The following DNA2 variants were observed in gnomAD, a reference collection of about 807,000 sequenced individuals.
The protein encoded by DNA2 is DNA replication helicase/nuclease 2.
In DNA2, 101 loss-of-function variants were observed where a neutral mutation model predicts 119.1. That is an observed-to-expected ratio of 0.85 (90% CI 0.72 to 1.00). DNA2 has a LOEUF of 1.00. Ranked by LOEUF, DNA2 falls within the 50% of genes least tolerant of loss-of-function variation. The pLI, the probability that DNA2 is intolerant of heterozygous loss-of-function variation, is 0.00. For synonymous variants in DNA2, 366 were observed against 424.4 expected, an observed-to-expected ratio of 0.86 and a Z score of 1.69; for missense variants, 1,121 against 1,255.5, an observed-to-expected ratio of 0.89 and a Z score of 1.62.
chr10:68,422,960 G>A (rs1193474557), intron 14 of DNA2, 70 bp from the exon 15 acceptor site: 3 of 1,168,628 alleles, frequency 2.6e-6, no homozygotes, highest in Admixed American at 2.8e-5. Context: ...TCTCATTTTT[G>A]AAATGAAAAG....
chr10:68,444,902 T>G lies in DNA2; in HGVS notation c.1220+19A>C. 6.2e-7 allele frequency: 1 copy of G among 1,605,082 alleles called. No homozygotes were observed. The highest frequency in any genetic ancestry group is 8.5e-7 in the Non-Finnish European group (1 of 1,173,034). Reference sequence around the variant, plus strand: ...TTCATACTCAACTAGAAATAATGCCTTTGGTAGACAATATTTACCTGCTAT... The same window carrying G: ...TTCATACTCAACTAGAAATAATGCCGTTGGTAGACAATATTTACCTGCTAT... On this transcript the variant is annotated intron_variant, in intron 8 of 20. Transcript: ENST00000358410.
At chr10:68,442,817 A>G in intron 9 of DNA2, 100 bp downstream of exon 9, 1 of 1,007,128 alleles carries the variant, frequency 9.9e-7, no homozygotes, top group East Asian at 2.6e-5. Context: ...CACGTTATCT[A>G]TAACATGCTT....
chr10:68,445,638 A>T (rs2052028941), intron 7 of DNA2, among the ~76,000 whole-genome samples: 1 of 152,078 alleles, frequency 6.6e-6, no homozygotes, highest in African/African-American at 2.4e-5. Flanking sequence ...TCACTTGATA[A>T]ATTCTTTAAA....
At chr10:68,467,619 C>G (rs7080818) in intron 3 of DNA2, among the ~76,000 whole-genome samples, 1 of 152,108 alleles carries the variant, frequency 6.6e-6, no homozygotes, top group Non-Finnish European at 1.5e-5. Flanking sequence ...AGCATGATCT[C>G]GGCTCACTGC....
At chr10:68,440,309 T>C in intron 9 of DNA2, among the ~76,000 whole-genome samples, 1 of 152,076 alleles carries the variant, frequency 6.6e-6, no homozygotes, top group Non-Finnish European at 1.5e-5. Flanking sequence ...TTTATTTATT[T>C]ATTTTTTTGA....
rs766576587 is a variant in DNA2 at position 68,431,952 on chromosome 10, C to T, written c.1893G>A (p.Arg631=). 10 of 1,612,462 alleles carry T rather than the reference C, an allele frequency of 6.2e-6. No individual in the cohort carries two copies. Among genetic ancestry groups the T allele is most frequent in the Non-Finnish European group, 8.5e-6 (10 of 1,179,218 alleles). The stretch of plus-strand genomic sequence containing the variant: ...AAAGAAGTACCTTTTTCATCGCTTG[C>T]CTCTGAGGCTTATTCAAACCTACAT... ...CILKGLNKPQ[R]QAMKKVLLSK... is the part of the protein sequence containing the mutation. The change falls in exon 13 of 21, where the codon AGG becomes AGA. Residue 631 remains arginine (R), a synonymous_variant. Coordinates refer to ENST00000358410, the MANE Select transcript of DNA2 (RefSeq NM_001080449.3).
chr10:68,456,087 T>G (rs1039974897), intron 5 of DNA2, among the ~76,000 whole-genome samples: 3 of 151,932 alleles, frequency 2.0e-5, no homozygotes, highest in East Asian at 1.9e-4. Flanking sequence ...CCAGGCAAAG[T>G]GGTGTGCACC....
chr10:68,442,284 T>C (rs1268221450), intron 9 of DNA2, among the ~76,000 whole-genome samples: 2 of 151,880 alleles, frequency 1.3e-5, no homozygotes, highest in Non-Finnish European at 2.9e-5. Flanking sequence ...AGTGGTGCGA[T>C]GTTGGCTTAC....
chr10:68,445,371 G>A (rs2052024824), intron 7 of DNA2, among the ~76,000 whole-genome samples: 2 of 152,028 alleles, frequency 1.3e-5, no homozygotes, highest in South Asian at 2.1e-4. Context: ...GCTGAGGCAG[G>A]AGAATCACCT....
chr10:68,417,390 C>CTA, intron 19 of DNA2, among the ~76,000 whole-genome samples: 1 of 17,490 alleles, frequency 5.7e-5, no homozygotes, highest in East Asian at 1.7e-3. Context: ...AATAAGAAAA[C>CTA]CAAAAAAAAA....
intron 14 of DNA2, among the ~76,000 whole-genome samples, chr10:68,429,323 T>C (rs1003178038): frequency 7.3e-5 from 11 of 150,688 alleles, no homozygotes; most frequent in Non-Finnish European, 1.5e-4. Context: ...GGCAGGAGGA[T>C]AACCTGAGGT....
chr10:68,451,764 T>G (rs542972647), intron 5 of DNA2, among the ~76,000 whole-genome samples: 1 of 152,050 alleles, frequency 6.6e-6, no homozygotes, highest in Non-Finnish European at 1.5e-5. Context: ...TCTTCCTTTT[T>G]TTTTTTAATA....
At chr10:68,465,931 T>C in intron 3 of DNA2, 119 bp from the exon 4 acceptor site, 1 of 951,402 alleles carries the variant, frequency 1.1e-6, no homozygotes, top group Non-Finnish European at 1.4e-6. Context: ...AATGCCAAAA[T>C]ATTAAAAAAA....
chr10:68,419,967 G>C, intron 17 of DNA2, 75 bp from the exon 18 acceptor site: 1 of 1,172,042 alleles, frequency 8.5e-7, no homozygotes, highest in Non-Finnish European at 1.3e-6. Flanking sequence ...TGGCCATAAA[G>C]ACTATACTAC....
At chr10:68,445,401 T>TGCAGGGAGCTGAGATC (rs1470555834) in intron 7 of DNA2, among the ~76,000 whole-genome samples, 3 of 151,414 alleles carry the variant, frequency 2.0e-5, no homozygotes, top group Non-Finnish European at 4.4e-5. Context: ...AGGCGGAGAT[T>TGCAGGGAGCTGAGATC]GCAGGGAGCT....
At chr10:68,444,338 C>T (rs1329165181) in intron 8 of DNA2, among the ~76,000 whole-genome samples, 1 of 150,994 alleles carries the variant, frequency 6.6e-6, no homozygotes, top group Non-Finnish European at 1.5e-5. Flanking sequence ...TGCAGTGAGC[C>T]GAGATCATGC....
intron 7 of DNA2, 123 bp downstream of exon 7, chr10:68,446,173 C>A: frequency 2.9e-5 from 17 of 582,658 alleles, no homozygotes; most frequent in South Asian, 7.3e-5. Context: ...CAAAAAAAAC[C>A]CACAGCTACA....
intron 13 of DNA2, 29 bp from the exon 14 acceptor site, chr10:68,430,689 A>C (rs1481429635): frequency 2.8e-6 from 4 of 1,434,630 alleles, no homozygotes; most frequent in Non-Finnish European, 3.8e-6. Context: ...AAAAAGAAAA[A>C]ACAGCCTTAC....
intron 18 of DNA2, chr10:68,419,566 T>C (rs2051638603): frequency 8.9e-6 from 5 of 564,868 alleles, no homozygotes; most frequent in Middle Eastern, 9.4e-4. Context: ...AACATAGTAT[T>C]GTCTCAATTA....
Sources: gnomAD v4.1 joint callset for allele counts (sites outside exome capture counted in the v4.1 genomes callset) on GRCh38, gnomAD v4.1.1 for gene constraint, MANE v1.5 for transcripts, NCBI Gene and HGNC (gene_info 2026-07-23, HGNC 2026-07-21) for gene names.